The following SLC22A23 variants were observed in gnomAD, a reference collection of about 807,000 sequenced individuals.
SLC22A23 encodes solute carrier family 22 member 23.
In SLC22A23, 26 loss-of-function variants were observed where a neutral mutation model predicts 61.0. The observed-to-expected ratio is 0.43, with a 90% CI of 0.31 to 0.59. SLC22A23 has a LOEUF of 0.59. Ranked by LOEUF, SLC22A23 falls within the 20% of genes least tolerant of loss-of-function variation. SLC22A23 has a pLI of 0.11. For missense variants in SLC22A23, 796 were observed against 934.7 expected (o/e 0.85, Z 1.94); for synonymous variants, 430 against 413.9 (o/e 1.04, Z -0.47).
chr6:3,442,256 AGAG>A (rs1004333949), intron 1 of SLC22A23, among the ~76,000 whole-genome samples: 1 of 152,142 alleles, frequency 6.6e-6, no homozygotes, highest in Admixed American at 6.5e-5. Context: ...TGGGGTTGCC[AGAG>A]GAGGGGAATG....
intron 5 of SLC22A23, chr6:3,291,325 C>G (rs1760571049): frequency 6.6e-6 from 1 of 152,162 alleles, no homozygotes; most frequent in Non-Finnish European, 1.5e-5. Flanking sequence ...TCACAAAGCT[C>G]TTTCATTATA....
intron 3 of SLC22A23, among the ~76,000 whole-genome samples, chr6:3,374,853 T>C (rs1766458849): frequency 6.6e-6 from 1 of 152,188 alleles, no homozygotes; most frequent in Admixed American, 6.5e-5. Flanking sequence ...CAGAGAACCA[T>C]CTCTGACATT....
chr6:3,405,027 G>A (rs549585632), intron 3 of SLC22A23, among the ~76,000 whole-genome samples: 4 of 152,004 alleles, frequency 2.6e-5, no homozygotes, highest in South Asian at 2.1e-4. Flanking sequence ...TTGGGAGGCC[G>A]AGGCGGGCGG....
intron 3 of SLC22A23, among the ~76,000 whole-genome samples, chr6:3,383,051 G>C (rs1273100645): frequency 2.0e-5 from 3 of 152,204 alleles, no homozygotes; most frequent in East Asian, 3.8e-4. Flanking sequence ...GAAGATGGGG[G>C]TGTAAGGGAA....
intron 4 of SLC22A23, among the ~76,000 whole-genome samples, chr6:3,307,650 C>CCACA: frequency 6.6e-6 from 1 of 152,336 alleles, no homozygotes; most frequent in East Asian, 1.9e-4. Flanking sequence ...AGGAACCACA[C>CCACA]CACGGTAGGT....
At chr6:3,447,440 G>A (rs191344615) in intron 1 of SLC22A23, among the ~76,000 whole-genome samples, 1 of 152,250 alleles carries the variant, frequency 6.6e-6, no homozygotes, top group East Asian at 1.9e-4. Flanking sequence ...CAGTTTGGGT[G>A]TGCCTTCCCC....
rs779378811 is a variant in SLC22A23, at chr6:3,410,471, T to C, written c.759-129A>G. ...GTACTGGGTAAAAAGTCCTGTGCCA[T>C]CTATACCCACTTCACTAGATCCTAG... On this transcript the variant is annotated intron_variant, in intron 2 of 9. Coordinates refer to ENST00000406686, the MANE Select transcript of SLC22A23 (RefSeq NM_015482.2). This position sits in a 1 kb window ranked among gnomAD's most constrained non-coding sequence, Gnocchi z 5.0. 57 of 923,700 alleles carry C rather than the reference T, an allele frequency of 6.2e-5. No homozygotes were observed. Among genetic ancestry groups the C allele is most frequent in the Non-Finnish European group, 8.6e-5 (55 of 639,526 alleles). The allele number at this position is 923,700 out of a possible 1,614,324, so 57.2% of individuals were successfully genotyped here.
Position 3,373,858 on chromosome 6 carries a change from T to C in SLC22A23, c.913+36330A>G, listed in dbSNP as rs933234973. ...GAGATGATGATGATGGCAGTAACAG[T>C]GAACAGTGGACACTCATCTGGTGCC... is the stretch of plus-strand genomic sequence containing the variant. On this transcript the variant is annotated intron_variant, in intron 3 of 9. Coordinates refer to ENST00000406686, the MANE Select transcript of SLC22A23 (RefSeq NM_015482.2). Among the ~76,000 whole-genome samples the C allele has an allele frequency of 2.6e-5, 4 of 152,320 alleles. No homozygotes were observed. In the South Asian group the frequency reaches 8.3e-4, roughly 32 times the overall value.
At chr6:3,448,167 T>C (rs948478418) in intron 1 of SLC22A23, among the ~76,000 whole-genome samples, 2 of 151,940 alleles carry the variant, frequency 1.3e-5, no homozygotes, top group South Asian at 4.2e-4. Context: ...CCTCCCGAAG[T>C]GCTGGGATTA....
chr6:3,350,301 G>A (rs1173779260), intron 3 of SLC22A23, among the ~76,000 whole-genome samples: 1 of 152,022 alleles, frequency 6.6e-6, no homozygotes, highest in Non-Finnish European at 1.5e-5. Context: ...TATGACCCTC[G>A]GGCCAAATCC....
intron 4 of SLC22A23, among the ~76,000 whole-genome samples, chr6:3,316,110 A>G (rs1458039389): frequency 6.6e-6 from 1 of 152,186 alleles, no homozygotes; most frequent in African/African-American, 2.4e-5. Flanking sequence ...TATTTCTAGC[A>G]AGTTCCCAAG....
At chr6:3,338,889 C>T (rs1320119941) in intron 3 of SLC22A23, among the ~76,000 whole-genome samples, 1 of 152,190 alleles carries the variant, frequency 6.6e-6, no homozygotes, top group East Asian at 1.9e-4. Context: ...TCTAGAACCA[C>T]TATTCCATCA....
intron 4 of SLC22A23, among the ~76,000 whole-genome samples, chr6:3,300,691 T>C (rs1485943563): frequency 6.6e-6 from 1 of 152,250 alleles, no homozygotes; most frequent in Admixed American, 6.5e-5. Flanking sequence ...TATTTCAAAG[T>C]CACATCACTA....
chr6:3,416,494 G>A (rs1411067174), intron 1 of SLC22A23, among the ~76,000 whole-genome samples: 1 of 152,254 alleles, frequency 6.6e-6, no homozygotes, highest in African/African-American at 2.4e-5. Flanking sequence ...CGGTCAATTA[G>A]TAAATACAAC....
intron 9 of SLC22A23, chr6:3,282,285 C>T (rs1487473093): frequency 2.8e-6 from 2 of 702,478 alleles, no homozygotes; most frequent in Non-Finnish European, 5.2e-6. Context: ...ACTGCAAGCA[C>T]TAAATAAGCT....
chr6:3,350,247 T>C (rs148137612), intron 3 of SLC22A23, among the ~76,000 whole-genome samples: 1 of 152,194 alleles, frequency 6.6e-6, no homozygotes, highest in Non-Finnish European at 1.5e-5. Context: ...TAATGTGTCA[T>C]AAACTACAGT....
At chr6:3,371,479 G>T (rs908448211) in intron 3 of SLC22A23, among the ~76,000 whole-genome samples, 1 of 152,102 alleles carries the variant, frequency 6.6e-6, no homozygotes, top group Admixed American at 6.5e-5. Flanking sequence ...TTCATAGCTT[G>T]CAGGCGGCTA....
rs78825680 is a variant in SLC22A23, at chr6:3,287,361, G to C, written c.1314-270C>G. On this transcript the variant is annotated intron_variant, in intron 6 of 9. Coordinates refer to ENST00000406686, the MANE Select transcript of SLC22A23 (RefSeq NM_015482.2). ...ATAGACAGGTGTGGGCACAAGAGCA[G>C]TGAGTCCTTTTGTTAAAACACACAC... Among the ~76,000 whole-genome samples, 305 of 152,376 alleles carry C rather than the reference G, an allele frequency of 2.0e-3. 2 individuals carry two copies. Among genetic ancestry groups the C allele is most frequent in the Non-Finnish European group, 3.7e-3 (253 of 68,040 alleles).
chr6:3,379,351 A>G (rs1466730449), intron 3 of SLC22A23, among the ~76,000 whole-genome samples: 2 of 152,178 alleles, frequency 1.3e-5, no homozygotes, highest in Non-Finnish European at 2.9e-5. Context: ...ACTATCTATG[A>G]ACTCAAAAAA....
Sources: allele counts gnomAD v4.1 joint callset (sites outside exome capture counted in the v4.1 genomes callset), GRCh38; gene constraint gnomAD v4.1.1; non-coding constraint Gnocchi (gnomAD v3.1); transcripts MANE v1.5; gene names NCBI Gene and HGNC (gene_info 2026-07-23, HGNC 2026-07-21).